The following SDK1 variants were observed in gnomAD, a reference collection of about 807,000 sequenced individuals.
SDK1 encodes the protein sidekick cell adhesion molecule 1.
In SDK1, 157 loss-of-function variants were observed where a neutral mutation model predicts 245.5. That is an observed-to-expected ratio of 0.64 (90% CI 0.56 to 0.73). SDK1 has a LOEUF of 0.73. Among genes scored for constraint, SDK1 ranks in the 30% least tolerant of loss-of-function variants. The probability of loss-of-function intolerance (pLI) is 0.00; values close to 1 mark genes in which losing one functional copy is unlikely to be tolerated. For missense variants in SDK1, 3,583 were observed against 3,002.3 expected (o/e 1.19, Z -4.52); for synonymous variants, 1,647 against 1,278.5 (o/e 1.29, Z -6.15).
chr7:3,430,806 G>A (rs1187171519), intron 1 of SDK1, among the ~76,000 whole-genome samples: 2 of 152,188 alleles, frequency 1.3e-5, no homozygotes, highest in Admixed American at 6.5e-5. Context: ...TGCCTCCGGT[G>A]GATGGAATGA....
At chr7:4,130,360 A>T (rs1467675300) in intron 27 of SDK1, 8 of 485,314 alleles carry the variant, frequency 1.6e-5, no homozygotes, top group Non-Finnish European at 2.2e-5. Flanking sequence ...GGGGAGAGGC[A>T]GCAGAGGCTG....
At chr7:3,805,991 G>A (rs905041245) in intron 4 of SDK1, among the ~76,000 whole-genome samples, 6 of 151,846 alleles carry the variant, frequency 4.0e-5, no homozygotes, top group Non-Finnish European at 7.3e-5. Flanking sequence ...GAATTTTCAA[G>A]GTGTTCCTCC....
At chr7:3,442,907 G>A (rs534760745) in intron 1 of SDK1, among the ~76,000 whole-genome samples, 19 of 152,040 alleles carry the variant, frequency 1.2e-4, no homozygotes, top group South Asian at 1.2e-3. Context: ...TGATCTTTTC[G>A]TTTTGCCCCA....
In SDK1 at chr7:3,443,209, G is replaced by A. The variant is rs1216096725; in HGVS notation, c.298+141325G>A. Among the ~76,000 whole-genome samples the A allele has an allele frequency of 5.3e-5, 8 of 152,150 alleles. No individual in the cohort carries two copies. The South Asian group carries it at 1.7e-3, about 32-fold the overall frequency. ...AGCATTAACAAAAAAACTTAACCTT[G>A]TGGTAGATAGCATTGTACTAATTAA... On this transcript the variant is annotated intron_variant, in intron 1 of 44. Transcript: ENST00000404826.
chr7:4,111,674 A>G (rs1783360610), intron 23 of SDK1, among the ~76,000 whole-genome samples: 1 of 152,216 alleles, frequency 6.6e-6, no homozygotes, highest in South Asian at 2.1e-4. Context: ...TTCAAGACTT[A>G]CCATGTGAAA....
intron 4 of SDK1, among the ~76,000 whole-genome samples, chr7:3,683,180 C>T (rs978223349): frequency 1.3e-5 from 2 of 152,148 alleles, no homozygotes; most frequent in Non-Finnish European, 2.9e-5. Flanking sequence ...GCTTTTTCGT[C>T]TGTCTTTTCC....
At chr7:3,764,956 A>G (rs1780211325) in intron 4 of SDK1, among the ~76,000 whole-genome samples, 1 of 152,144 alleles carries the variant, frequency 6.6e-6, no homozygotes, top group South Asian at 2.1e-4. Context: ...ATAGTCTAAT[A>G]TGTAAGGTTT....
At chr7:3,333,027 A>T (rs929664122) in intron 1 of SDK1, among the ~76,000 whole-genome samples, 13 of 152,176 alleles carry the variant, frequency 8.5e-5, no homozygotes, top group African/African-American at 2.7e-4. Context: ...AACCTTTTAT[A>T]AGGGCAGCGC....
At chr7:4,045,280 G>C (rs889825532) in intron 17 of SDK1, among the ~76,000 whole-genome samples, 1 of 140,048 alleles carries the variant, frequency 7.1e-6, no homozygotes, top group Non-Finnish European at 1.6e-5. Flanking sequence ...GTCTCACTCT[G>C]TGCCCAGGCT....
At chr7:4,152,979 G>A (rs1221255207) in intron 30 of SDK1, among the ~76,000 whole-genome samples, 2 of 152,140 alleles carry the variant, frequency 1.3e-5, no homozygotes, top group African/African-American at 4.8e-5. Context: ...CAGTAGAGAG[G>A]AAGAAGAGAA....
chr7:4,052,738 T>G (rs1562734469), intron 19 of SDK1, among the ~76,000 whole-genome samples: 1 of 152,182 alleles, frequency 6.6e-6, no homozygotes, highest in Non-Finnish European at 1.5e-5. Flanking sequence ...CGTTGTATTT[T>G]TTTGCATTTT....
chr7:3,505,246 A>G (rs755875284), intron 1 of SDK1, among the ~76,000 whole-genome samples: 9 of 152,044 alleles, frequency 5.9e-5, no homozygotes, highest in Non-Finnish European at 8.8e-5. Context: ...CACATCTGTA[A>G]TTTATTGTTC....
intron 1 of SDK1, among the ~76,000 whole-genome samples, chr7:3,486,489 A>G (rs1027254622): frequency 6.6e-6 from 1 of 151,994 alleles, no homozygotes; most frequent in African/African-American, 2.4e-5. Flanking sequence ...TAAGTTATAA[A>G]CTAAGTTTAC....
At chr7:3,624,497 C>T (rs1330542864) in intron 2 of SDK1, among the ~76,000 whole-genome samples, 6 of 151,954 alleles carry the variant, frequency 3.9e-5, no homozygotes, top group African/African-American at 1.2e-4. Context: ...CCACACCTGG[C>T]CTGGATATTT....
At chr7:3,600,312 G>A (rs1781213586) in intron 1 of SDK1, among the ~76,000 whole-genome samples, 1 of 152,142 alleles carries the variant, frequency 6.6e-6, no homozygotes, top group Middle Eastern at 3.2e-3. Context: ...AGGGCTGTGT[G>A]AGTGTGAGTG....
At chr7:4,226,441 G>A (rs1583119007) in intron 40 of SDK1, among the ~76,000 whole-genome samples, 2 of 152,364 alleles carry the variant, frequency 1.3e-5, no homozygotes, top group African/African-American at 4.8e-5. Context: ...AGATGGTAGT[G>A]GAGCGTGCTG....
intron 1 of SDK1, among the ~76,000 whole-genome samples, chr7:3,486,946 T>C (rs1444224900): frequency 1.3e-5 from 2 of 152,242 alleles, no homozygotes; most frequent in Non-Finnish European, 2.9e-5. Context: ...GTAAAGGTTA[T>C]ATTTGCTTTG....
At chr7:4,008,873 C>G (rs1163044247) in intron 14 of SDK1, among the ~76,000 whole-genome samples, 1 of 152,198 alleles carries the variant, frequency 6.6e-6, no homozygotes, top group Admixed American at 6.5e-5. Context: ...ATGCACATAT[C>G]TCTTCGAACC....
At chr7:3,637,715 A>G (rs1014240204) in intron 2 of SDK1, among the ~76,000 whole-genome samples, 1 of 152,254 alleles carries the variant, frequency 6.6e-6, no homozygotes, top group African/African-American at 2.4e-5. Context: ...TTGAAGGATG[A>G]TTACTTACAG....
Sources: allele counts gnomAD v4.1 joint callset (sites outside exome capture counted in the v4.1 genomes callset), GRCh38; gene constraint gnomAD v4.1.1; transcripts MANE v1.5; gene names NCBI Gene and HGNC (gene_info 2026-07-23, HGNC 2026-07-21).